The following AFAP1 variants were observed in gnomAD, a reference collection of about 807,000 sequenced individuals.
The protein encoded by AFAP1 is actin filament-associated protein 1.
AFAP1 carries 75 observed loss-of-function variants against 93.9 expected under a neutral mutation model. The ratio of observed to expected loss-of-function variants is 0.80; its 90% CI spans 0.66 to 0.97. AFAP1 has a LOEUF of 0.97. Ranked by LOEUF, AFAP1 falls within the 50% of genes least tolerant of loss-of-function variation. The pLI, the probability that AFAP1 is intolerant of heterozygous loss-of-function variation, is 0.00. For missense variants in AFAP1, 1,201 were observed against 1,050.8 expected, an observed-to-expected ratio of 1.14 and a Z score of -1.98; for synonymous variants, 517 against 430.7, an observed-to-expected ratio of 1.20 and a Z score of -2.48.
chr4:7,772,886 T>C lies in AFAP1; in HGVS notation c.2187A>G (p.Lys729=), dbSNP rs115467075. The change falls in exon 16 of 18, where the codon AAA becomes AAG. Residue 729 remains lysine, a synonymous_variant. Transcript: ENST00000420658. ...ELTEVKESLK[K]ALAGGVTLGL... ...CCAGGGTGACTCCGCCCGCCAGCGC[T>C]TTCTTCAGGCTCTCCTTGACCTCCG... The C allele has an allele frequency of 1.3e-3, 2,136 of 1,614,158 alleles. 24 individuals are homozygous for C. In the African/African-American group the frequency reaches 0.026, roughly 19 times the overall value.
intron 9 of AFAP1, among the ~76,000 whole-genome samples, chr4:7,808,424 C>G (rs763120521): frequency 6.6e-6 from 1 of 151,896 alleles, no homozygotes; most frequent in Non-Finnish European, 1.5e-5. Context: ...TCTGTGGTAA[C>G]TGGGCTTGTA....
At chr4:7,872,556 G>A (rs571697742) in intron 1 of AFAP1, among the ~76,000 whole-genome samples, 4 of 152,218 alleles carry the variant, frequency 2.6e-5, no homozygotes, top group Admixed American at 6.5e-5. Flanking sequence ...TTAGCACAAA[G>A]GAGGCCAGAT....
intron 14 of AFAP1, chr4:7,777,464 A>G (rs1036544410): frequency 6.6e-6 from 1 of 152,250 alleles, no homozygotes. Flanking sequence ...GGCCAAGGAC[A>G]CTGCCAGCCT....
intron 1 of AFAP1, among the ~76,000 whole-genome samples, chr4:7,888,558 G>C: frequency 6.6e-6 from 1 of 152,138 alleles, no homozygotes; most frequent in African/African-American, 2.4e-5. Flanking sequence ...AAACGGAAAA[G>C]AATAAACAGA....
At chr4:7,881,780 C>CAA (rs35520560) in intron 1 of AFAP1, among the ~76,000 whole-genome samples, 43,419 of 140,118 alleles carry the variant, frequency 0.31, 8,134 homozygotes, top group Non-Finnish European at 0.44. Flanking sequence ...GACTCCATCT[C>CAA]AAAAAAAAAA....
At chr4:7,931,372 G>A (rs964903710) in intron 1 of AFAP1, among the ~76,000 whole-genome samples, 11 of 152,030 alleles carry the variant, frequency 7.2e-5, no homozygotes, top group African/African-American at 2.4e-4. Flanking sequence ...AACAAGAATA[G>A]TATATTAAGT....
At chr4:7,764,278 C>G (rs376212971) in intron 17 of AFAP1, among the ~76,000 whole-genome samples, 1 of 152,154 alleles carries the variant, frequency 6.6e-6, no homozygotes, top group African/African-American at 2.4e-5. Flanking sequence ...CAGTGGCTCA[C>G]GCCTGGAATC....
At chr4:7,878,304 C>G (rs1717634431) in intron 1 of AFAP1, among the ~76,000 whole-genome samples, 1 of 152,224 alleles carries the variant, frequency 6.6e-6, no homozygotes, top group African/African-American at 2.4e-5. Context: ...CCCTCCAGAG[C>G]TATTGCTGTT....
intron 2 of AFAP1, among the ~76,000 whole-genome samples, chr4:7,870,586 G>A (rs1382255916): frequency 1.3e-5 from 2 of 152,120 alleles, no homozygotes; most frequent in Non-Finnish European, 1.5e-5. Context: ...GAGCCTGGGA[G>A]GTTAATACTG....
At chr4:7,789,869 A>T (rs1717704903) in intron 11 of AFAP1, among the ~76,000 whole-genome samples, 1 of 152,266 alleles carries the variant, frequency 6.6e-6, no homozygotes, top group Non-Finnish European at 1.5e-5. Flanking sequence ...AGTTTCAGGA[A>T]AACTCTGGAG....
intron 1 of AFAP1, among the ~76,000 whole-genome samples, chr4:7,916,933 A>G (rs1353900248): frequency 6.6e-6 from 1 of 152,170 alleles, no homozygotes; most frequent in Non-Finnish European, 1.5e-5. Flanking sequence ...CACTGAATGT[A>G]TTCACTGAAT....
intron 11 of AFAP1, chr4:7,788,770 T>A (rs968547805): frequency 6.7e-6 from 1 of 148,680 alleles, no homozygotes; most frequent in African/African-American, 2.6e-5. Flanking sequence ...GAGGAATGAA[T>A]AAAGCCTGGC....
At chr4:7,786,067 C>G (rs1358114341) in intron 12 of AFAP1, 127 bp downstream of exon 12, 2 of 770,350 alleles carry the variant, frequency 2.6e-6, no homozygotes, top group African/African-American at 3.5e-5. Context: ...GAGATGGAGT[C>G]TCCTTGCCTC....
At chr4:7,856,842 C>T (rs1326786596) in intron 3 of AFAP1, among the ~76,000 whole-genome samples, 1 of 152,204 alleles carries the variant, frequency 6.6e-6, no homozygotes, top group Non-Finnish European at 1.5e-5. Flanking sequence ...CTGCAATCTG[C>T]CCAGCACTGT....
In AFAP1 at chr4:7,801,539, G is replaced by T. The variant is rs1011971741; in HGVS notation, c.1055-886C>A. 2.0e-5 allele frequency among the ~76,000 whole-genome samples: 3 copies of T among 151,902 alleles called. No homozygotes were observed. The South Asian group carries it at 6.2e-4, about 32-fold the overall frequency. On this transcript the variant is annotated intron_variant, in intron 9 of 17. Transcript: ENST00000420658. ...CAAGACATGAAAAAATAGATACCAG[G>T]GTGGCTGTACCTTCCAACCACACCA...
chr4:7,824,333 T>A (rs888431125), intron 6 of AFAP1, among the ~76,000 whole-genome samples: 1 of 152,158 alleles, frequency 6.6e-6, no homozygotes, highest in Non-Finnish European at 1.5e-5. Flanking sequence ...TGCACATTTT[T>A]TAAGGAAATC....
At chr4:7,816,308 A>T (rs1720478311) in intron 7 of AFAP1, among the ~76,000 whole-genome samples, 1 of 152,216 alleles carries the variant, frequency 6.6e-6, no homozygotes, top group South Asian at 2.1e-4. Context: ...GGAAAAAAAA[A>T]GAAAAACCTC....
Position 7,939,797 on chromosome 4 carries a change from C to G in AFAP1, c.-144G>C. ...CGCCGCCGCCGCCTCAGCCCGTGTA[C>G]CCCGCTCGAGATCCGGCTCGGCTCG... is the stretch of plus-strand genomic sequence containing the variant. On this transcript the variant is annotated 5_prime_UTR_variant, in exon 1 of 18. Transcript: ENST00000420658. The surrounding 1 kb of genome is among the most constrained non-coding windows in gnomAD (Gnocchi z 5.6). 1 of 345,092 alleles carries G rather than the reference C, an allele frequency of 2.9e-6. No individual in the cohort carries two copies. Among genetic ancestry groups the G allele is most frequent in the South Asian group, 2.1e-5 (1 of 48,270 alleles). 21.4% of individuals were successfully genotyped at this position (345,092 alleles called of 1,614,324 possible). A position where few individuals can be genotyped will look rare whatever the true frequency, so the allele number is the denominator to read the frequency against.
At chr4:7,906,155 A>G (rs936228972) in intron 1 of AFAP1, among the ~76,000 whole-genome samples, 4 of 152,174 alleles carry the variant, frequency 2.6e-5, no homozygotes, top group African/African-American at 7.2e-5. Context: ...CATGAGAGTG[A>G]CCTATCGAGA....
Sources: allele counts gnomAD v4.1 joint callset (sites outside exome capture counted in the v4.1 genomes callset), GRCh38; gene constraint gnomAD v4.1.1; non-coding constraint Gnocchi (gnomAD v3.1); transcripts MANE v1.5; gene names NCBI Gene and HGNC (gene_info 2026-07-23, HGNC 2026-07-21).